The following MYO1F variants were observed in gnomAD, a reference collection of about 807,000 sequenced individuals.
MYO1F encodes the protein unconventional myosin-If.
A neutral mutation model predicts 146.6 loss-of-function variants in MYO1F; 60 were observed. The ratio of observed to expected loss-of-function variants is 0.41; its 90% CI spans 0.33 to 0.51. MYO1F has a LOEUF of 0.51. Among genes scored for constraint, MYO1F ranks in the 20% least tolerant of loss-of-function variants. MYO1F has a pLI of 0.25. For missense variants in MYO1F, 1,274 were observed against 1,534.3 expected, an observed-to-expected ratio of 0.83 and a Z score of 2.83; for synonymous variants, 602 against 602.1, an observed-to-expected ratio of 1.00 and a Z score of 0.00.
At chr19:8,564,253 C>T (rs546960767) in intron 1 of MYO1F, among the ~76,000 whole-genome samples, 1 of 152,050 alleles carries the variant, frequency 6.6e-6, no homozygotes, top group South Asian at 2.1e-4. Flanking sequence ...TGGTGTCAGG[C>T]GCCTGTAATC....
At chr19:8,527,234 T>A in intron 22 of MYO1F, 104 bp downstream of exon 22, 1 of 1,497,510 alleles carries the variant, frequency 6.7e-7, no homozygotes, top group South Asian at 1.2e-5. Context: ...GCTACAGGCA[T>A]GGCACCAGGT....
intron 1 of MYO1F, among the ~76,000 whole-genome samples, chr19:8,566,504 A>G (rs2042007845): frequency 6.8e-6 from 1 of 146,788 alleles, no homozygotes; most frequent in African/African-American, 2.5e-5. Flanking sequence ...ATTTTTATTT[A>G]TTTAATTTAA....
chr19:8,561,594 T>G (rs1221852596), intron 1 of MYO1F, among the ~76,000 whole-genome samples: 1 of 132,392 alleles, frequency 7.6e-6, no homozygotes, highest in Non-Finnish European at 1.6e-5. Flanking sequence ...CCTCCCTCCC[T>G]CTCTTCTCTT....
chr19:8,536,867 G>A lies in MYO1F; in HGVS notation c.1799+82C>T, dbSNP rs878873911. On this transcript the variant is annotated intron_variant, in intron 17 of 27. Coordinates refer to ENST00000644032, the MANE Select transcript of MYO1F (RefSeq NM_012335.4). ...TAGTCCCTGGGTCATCCTACAGGAG[G>A]TCAGGGAGGTGTCTCGGTCAGTTCT... is the stretch of plus-strand genomic sequence containing the variant. The A allele has an allele frequency of 4.0e-6, 4 of 990,616 alleles. No homozygotes were observed. The African/African-American group carries it at 4.9e-5, about 12-fold the overall frequency. The allele number at this position is 990,616 out of a possible 1,614,324, so 61.4% of individuals were successfully genotyped here.
intron 4 of MYO1F, among the ~76,000 whole-genome samples, chr19:8,553,894 A>ACTCTCTCT (rs530875155): frequency 0.014 from 1,415 of 102,606 alleles, 42 homozygotes; most frequent in East Asian, 0.083. Flanking sequence ...ACACACACAC[A>ACTCTCTCT]CTCTCTCTCT....
At chr19:8,549,906 TC>T in intron 10 of MYO1F, 1 of 575,030 alleles carries the variant, frequency 1.7e-6, no homozygotes, top group Non-Finnish European at 3.1e-6. Context: ...GTTCAAATGA[TC>T]CCCCAACCTC....
chr19:8,552,897 G>C (rs983933996), intron 6 of MYO1F, among the ~76,000 whole-genome samples: 8 of 152,166 alleles, frequency 5.3e-5, no homozygotes, highest in African/African-American at 1.9e-4. Context: ...GGCTGCAGCC[G>C]GGGGAGCATT....
chr19:8,564,138 T>C (rs1020430219), intron 1 of MYO1F, among the ~76,000 whole-genome samples: 1 of 151,912 alleles, frequency 6.6e-6, no homozygotes, highest in Non-Finnish European at 1.5e-5. Context: ...CCCAGCACTT[T>C]GGGAGGCCAA....
At chr19:8,522,970 G>C in intron 25 of MYO1F, 141 bp from the exon 26 acceptor site, 1 of 687,510 alleles carries the variant, frequency 1.5e-6, no homozygotes, top group Non-Finnish European at 2.5e-6. Flanking sequence ...CCAGACGGAG[G>C]GACTCTGCCG....
intron 1 of MYO1F, chr19:8,576,792 A>G (rs2042246623): frequency 5.9e-6 from 1 of 169,706 alleles, no homozygotes; most frequent in Non-Finnish European, 1.3e-5. Flanking sequence ...TTCCCATCTC[A>G]GCCGAGGACT....
intron 15 of MYO1F, 98 bp downstream of exon 15, chr19:8,541,808 C>T (rs972900681): frequency 5.7e-5 from 63 of 1,107,508 alleles, no homozygotes; most frequent in African/African-American, 5.2e-4. Flanking sequence ...GAGTTTGTGG[C>T]GAGATGGCAG....
At chr19:8,551,478 A>G (rs367814925) in intron 8 of MYO1F, 8 of 449,938 alleles carry the variant, frequency 1.8e-5, no homozygotes, top group Middle Eastern at 6.9e-4. Flanking sequence ...CTGCCTCCCC[A>G]GTAGCTGGGA....
At position 8,536,991 on chromosome 19, in the gene MYO1F, T is replaced by G; in HGVS notation, c.1757A>C (p.Lys586Thr). The G allele has an allele frequency of 6.2e-7, 1 of 1,613,198 alleles. No individual in the cohort carries two copies. The highest frequency in any genetic ancestry group is 8.5e-7 in the Non-Finnish European group (1 of 1,179,712). The part of the protein sequence containing the change: ...RCTPHYIRCI[K>T]PNETKRPRDW... The stretch of plus-strand genomic sequence containing the variant: ...TCGGGGCCTCTTGGTCTCGTTGGGT[T>G]TGATGCAGCGGATGTAGTGGGGTGT... Residue 586 changes from lysine to threonine, a missense_variant, in exon 17 of 28, where the codon AAA becomes ACA. This residue lies in a region of MYO1F where 900 missense variants were observed against 1,155.1 expected (regional missense o/e 0.78). Coordinates refer to ENST00000644032, the MANE Select transcript of MYO1F (RefSeq NM_012335.4).
chr19:8,550,359 A>C lies in MYO1F; in HGVS notation c.905-3T>G. 6.2e-7 allele frequency: 1 copy of C among 1,609,580 alleles called. No homozygotes were observed. The highest frequency in any genetic ancestry group is 8.5e-7 in the Non-Finnish European group (1 of 1,178,056). On this transcript the variant is annotated splice_polypyrimidine_tract_variant and splice_region_variant and intron_variant, in intron 9 of 27. Coordinates refer to ENST00000644032, the MANE Select transcript of MYO1F (RefSeq NM_012335.4). ...CAGGTAGGCGGGAAAGGCCAGGACT[A>C]CCAGGGCAAAGGTCAGGGCAAAAAT...
chr19:8,572,774 C>T (rs1555732281), intron 1 of MYO1F, among the ~76,000 whole-genome samples: 1 of 152,146 alleles, frequency 6.6e-6, no homozygotes, highest in Non-Finnish European at 1.5e-5. Context: ...CAGCTCACTG[C>T]AGCCTGGAAC....
intron 1 of MYO1F, among the ~76,000 whole-genome samples, chr19:8,570,509 G>A (rs557191492): frequency 7.3e-5 from 11 of 151,412 alleles, no homozygotes; most frequent in African/African-American, 2.4e-4. Flanking sequence ...TGGGATTACA[G>A]GTGCACGCCA....
intron 12 of MYO1F, among the ~76,000 whole-genome samples, chr19:8,547,300 CA>C (rs1196814670): frequency 0.15 from 6,584 of 44,848 alleles, 326 homozygotes; most frequent in African/African-American, 0.36. Context: ...GTTCCTGTCT[CA>C]AAAAAAAAAA....
At chr19:8,549,025 A>G (rs574754559) in intron 10 of MYO1F, among the ~76,000 whole-genome samples, 175 of 151,102 alleles carry the variant, frequency 1.2e-3, no homozygotes, top group African/African-American at 4.1e-3. Context: ...ATCTCGGCTC[A>G]CTGAAACCTC....
intron 16 of MYO1F, among the ~76,000 whole-genome samples, chr19:8,539,165 A>G (rs1450118498): frequency 6.6e-6 from 1 of 152,162 alleles, no homozygotes; most frequent in Non-Finnish European, 1.5e-5. Flanking sequence ...CTGTAATCCC[A>G]GCGCTTTGGG....
Sources: allele counts gnomAD v4.1 joint callset (sites outside exome capture counted in the v4.1 genomes callset), GRCh38; gene constraint gnomAD v4.1.1; regional missense constraint gnomAD v4.1.1; transcripts MANE v1.5; gene names NCBI Gene and HGNC (gene_info 2026-07-23, HGNC 2026-07-21).